Variants in SEPTIN10 observed in about 807,000 individuals in gnomAD.
The protein encoded by SEPTIN10 is septin-10.
In SEPTIN10, 66 loss-of-function variants were observed where a neutral mutation model predicts 54.8. The ratio of observed to expected loss-of-function variants is 1.21; its 90% CI spans 0.99 to 1.48. SEPTIN10 has a LOEUF of 1.48. Ranked by LOEUF, SEPTIN10 falls within the 40% of genes most tolerant of loss-of-function variation. SEPTIN10 has a pLI of 0.00. For missense variants in SEPTIN10, 620 were observed against 545.6 expected (o/e 1.14, Z -1.36); for synonymous variants, 161 against 181.0 (o/e 0.89, Z 0.89).
chr2:109,606,672 C>CTTTTTTTTTTTT lies in SEPTIN10; in HGVS notation c.30+7114_30+7125dup, dbSNP rs34414105. 8.3e-5 allele frequency among the ~76,000 whole-genome samples: 6 copies of CTTTTTTTTTTTT among 71,910 alleles called. 1 individual carries two copies. Among genetic ancestry groups the CTTTTTTTTTTTT allele is most frequent in the African/African-American group, 1.6e-4 (3 of 18,238 alleles). 47.2% of individuals were successfully genotyped at this position (71,910 alleles called of 152,430 possible). On this transcript the variant is annotated intron_variant, in intron 1 of 10. Coordinates refer to ENST00000397712, the MANE Select transcript of SEPTIN10 (RefSeq NM_144710.5). ...AAAAAATTGCACTAAAAATTTTAAG[C>CTTTTTTTTTTTT]TTTTTTTTTTTTTTTTTTTTTTTTT...
At chr2:109,553,033 A>G in intron 9 of SEPTIN10, 54 bp downstream of exon 9, 1 of 1,579,862 alleles carries the variant, frequency 6.3e-7, no homozygotes, top group Non-Finnish European at 8.6e-7. Context: ...AATCCTCCAA[A>G]TTAATAGGAC....
intron 8 of SEPTIN10, among the ~76,000 whole-genome samples, chr2:109,555,632 C>A (rs575424459): frequency 6.6e-6 from 1 of 152,206 alleles, no homozygotes; most frequent in African/African-American, 2.4e-5. Context: ...ACGACCCAGG[C>A]ACAAGTGTTT....
chr2:109,604,923 G>C (rs1055713909), intron 1 of SEPTIN10: 18 of 152,206 alleles, frequency 1.2e-4, no homozygotes, highest in African/African-American at 4.3e-4. Context: ...AAGGTCACTG[G>C]AGAGACGTCA....
At chr2:109,570,084 T>C (rs1029567686) in intron 5 of SEPTIN10, among the ~76,000 whole-genome samples, 1 of 152,188 alleles carries the variant, frequency 6.6e-6, no homozygotes, top group African/African-American at 2.4e-5. Context: ...AATTTCAGCA[T>C]ATCCTAGTTT....
chr2:109,578,682 G>A (rs749472260), intron 4 of SEPTIN10, among the ~76,000 whole-genome samples: 12 of 152,026 alleles, frequency 7.9e-5, no homozygotes, highest in Admixed American at 1.3e-4. Context: ...CCAGGGAATC[G>A]CTTGAACCTG....
At chr2:109,603,342 C>T (rs1054964363) in intron 1 of SEPTIN10, among the ~76,000 whole-genome samples, 4 of 152,008 alleles carry the variant, frequency 2.6e-5, no homozygotes, top group African/African-American at 9.7e-5. Flanking sequence ...TCACGCCATT[C>T]TCCTGCCTCA....
intron 4 of SEPTIN10, among the ~76,000 whole-genome samples, chr2:109,580,229 T>C (rs770459850): frequency 2.0e-5 from 3 of 151,594 alleles, no homozygotes; most frequent in Non-Finnish European, 4.4e-5. Context: ...AAGAACACTA[T>C]ATTATGATCT....
intron 1 of SEPTIN10, among the ~76,000 whole-genome samples, chr2:109,594,245 A>T (rs1694773914): frequency 6.7e-6 from 1 of 148,688 alleles, no homozygotes; most frequent in Non-Finnish European, 1.5e-5. Flanking sequence ...CACATTATTT[A>T]AAAAACAATA....
intron 8 of SEPTIN10, among the ~76,000 whole-genome samples, chr2:109,556,284 G>A (rs1684354840): frequency 1.3e-5 from 2 of 152,116 alleles, no homozygotes; most frequent in Non-Finnish European, 2.9e-5. Flanking sequence ...GTTTGACAGA[G>A]AATACAAATT....
In SEPTIN10 at chr2:109,584,080, C is replaced by T. The variant is rs540429640; in HGVS notation, c.413+1046G>A. Among the ~76,000 whole-genome samples, 5 of 152,282 alleles carry T rather than the reference C, an allele frequency of 3.3e-5. No individual in the cohort carries two copies. In the South Asian group the frequency reaches 1.0e-3, roughly 32 times the overall value. ...GTAATTGGATCACTTGTACCCCAAA[C>T]CTCAGCATCACACAATATACCCATG... On this transcript the variant is annotated intron_variant, in intron 4 of 10. Coordinates refer to ENST00000397712, the MANE Select transcript of SEPTIN10 (RefSeq NM_144710.5).
intron 1 of SEPTIN10, among the ~76,000 whole-genome samples, chr2:109,609,161 G>C (rs1402755824): frequency 6.6e-6 from 1 of 152,160 alleles, no homozygotes; most frequent in Non-Finnish European, 1.5e-5. Flanking sequence ...AGGGAAAGTG[G>C]GGCTTCATTA....
chr2:109,591,720 A>G (rs1694112579), intron 2 of SEPTIN10, among the ~76,000 whole-genome samples: 1 of 152,046 alleles, frequency 6.6e-6, no homozygotes, highest in Non-Finnish European at 1.5e-5. Flanking sequence ...AACACGAGCA[A>G]AACCCCGTCT....
intron 10 of SEPTIN10, 199 bp from the exon 11 acceptor site, chr2:109,544,523 G>A: frequency 1.0e-6 from 1 of 984,968 alleles, no homozygotes; most frequent in South Asian, 4.7e-5. Context: ...GCTTGGTCCT[G>A]ATTTTGCAAA....
At position 109,606,627 on chromosome 2, in the gene SEPTIN10, A is replaced by G. The variant is rs939007049; in HGVS notation, c.30+7171T>C. Among the ~76,000 whole-genome samples, 10 of 78,038 alleles carry G rather than the reference A, an allele frequency of 1.3e-4. No individual in the cohort carries two copies. The Admixed American group carries it at 1.5e-3, about 12-fold the overall frequency. 51.2% of individuals were successfully genotyped at this position (78,038 alleles called of 152,430 possible). A position where few individuals can be genotyped will look rare whatever the true frequency, so the allele number is the denominator to read the frequency against. ...ACTAAAAGTTGAAAATAATAGCTAA[A>G]AAGTTCCCTTTTATTAAAAAAAAAA... On this transcript the variant is annotated intron_variant, in intron 1 of 10. Transcript: ENST00000397712.
At chr2:109,595,129 C>T (rs1438580344) in intron 1 of SEPTIN10, 4 of 152,228 alleles carry the variant, frequency 2.6e-5, no homozygotes, top group African/African-American at 9.7e-5. Flanking sequence ...TCAAGCGATC[C>T]TACCGCCTTG....
chr2:109,565,806 G>A lies in SEPTIN10; in HGVS notation c.816C>T (p.Asn272=). The change falls in exon 7 of 11, where the codon AAC becomes AAT. Residue 272 remains asparagine (N), a synonymous_variant. Transcript: ENST00000397712. ...GGTACTGGCGAGCTTTGACCATCTT[G>A]TTTCCGACTTTTACCTCATCCATAC... ...VGSMDEVKVG[N]KMVKARQYPW... 6.2e-7 allele frequency: 1 copy of A among 1,614,020 alleles called. No homozygotes were observed. The highest frequency in any genetic ancestry group is 8.5e-7 in the Non-Finnish European group (1 of 1,179,992).
chr2:109,552,933 T>G, intron 9 of SEPTIN10, 154 bp downstream of exon 9: 1 of 847,744 alleles, frequency 1.2e-6, no homozygotes, highest in Non-Finnish European at 1.8e-6. Flanking sequence ...GCTATGATTC[T>G]AAGTCAATAT....
intron 1 of SEPTIN10, among the ~76,000 whole-genome samples, chr2:109,608,788 T>C (rs1452732255): frequency 6.6e-6 from 1 of 152,228 alleles, no homozygotes; most frequent in East Asian, 1.9e-4. Context: ...AAATTAAATT[T>C]TCTAAATAAA....
chr2:109,575,134 TG>T (rs1302643211), intron 4 of SEPTIN10, among the ~76,000 whole-genome samples: 2 of 152,244 alleles, frequency 1.3e-5, no homozygotes, highest in East Asian at 3.8e-4. Context: ...GAAATGGTAT[TG>T]AATTTACACT....
Sources: gnomAD v4.1 joint callset for allele counts (sites outside exome capture counted in the v4.1 genomes callset) on GRCh38, gnomAD v4.1.1 for gene constraint, MANE v1.5 for transcripts, NCBI Gene and HGNC (gene_info 2026-07-23, HGNC 2026-07-21) for gene names.